CRIM1: variants seen among roughly 807,000 people sequenced by gnomAD.
CRIM1 encodes cysteine rich transmembrane BMP regulator 1.
A neutral mutation model predicts 116.4 loss-of-function variants in CRIM1; 32 were observed. That is an observed-to-expected ratio of 0.27 (90% CI 0.21 to 0.37). The LOEUF is 0.37. Ranked by LOEUF, CRIM1 falls within the 10% of genes least tolerant of loss-of-function variation. The pLI is 1.00. For synonymous variants in CRIM1, 590 were observed against 509.2 expected, an observed-to-expected ratio of 1.16 and a Z score of -2.13; for missense variants, 1,331 against 1,354.8, an observed-to-expected ratio of 0.98 and a Z score of 0.28.
intron 1 of CRIM1, among the ~76,000 whole-genome samples, chr2:36,391,523 C>T (rs534788830): frequency 5.9e-5 from 9 of 152,130 alleles, no homozygotes; most frequent in South Asian, 4.2e-4. Flanking sequence ...TCCTATTTAC[C>T]AGTTACATAT....
At chr2:36,470,517 A>G (rs1438672834) in intron 5 of CRIM1, among the ~76,000 whole-genome samples, 1 of 152,220 alleles carries the variant, frequency 6.6e-6, no homozygotes, top group African/African-American at 2.4e-5. Context: ...GTTAAGAATT[A>G]TGCTAAATCT....
intron 13 of CRIM1, chr2:36,531,761 T>C (rs1666135488): frequency 2.8e-6 from 1 of 363,200 alleles, no homozygotes; most frequent in South Asian, 2.2e-5. Context: ...TGAGGGAAAA[T>C]AGGCAGGAGG....
At chr2:36,481,595 A>T (rs151236276) in intron 7 of CRIM1, among the ~76,000 whole-genome samples, 65 of 152,360 alleles carry the variant, frequency 4.3e-4, no homozygotes, top group Non-Finnish European at 7.4e-4. Context: ...CCGTTGAGGT[A>T]TGGTGGGGTA....
chr2:36,440,451 C>T (rs1043999026), intron 2 of CRIM1, among the ~76,000 whole-genome samples: 3 of 152,154 alleles, frequency 2.0e-5, no homozygotes, highest in African/African-American at 7.2e-5. Context: ...GCCTTATGTT[C>T]GTATAGGTCT....
intron 8 of CRIM1, 137 bp from the exon 9 acceptor site, chr2:36,509,846 A>G: frequency 2.8e-6 from 2 of 710,410 alleles, no homozygotes; most frequent in Non-Finnish European, 4.7e-6. Flanking sequence ...ATGCTTTTTA[A>G]TGATAACCAG....
intron 6 of CRIM1, among the ~76,000 whole-genome samples, chr2:36,478,134 A>AT (rs1679129552): frequency 6.6e-6 from 1 of 152,208 alleles, no homozygotes; most frequent in African/African-American, 2.4e-5. Context: ...TATTTACAAC[A>AT]TAATATTGAA....
At chr2:36,399,818 A>G (rs1672286466) in intron 2 of CRIM1, among the ~76,000 whole-genome samples, 1 of 152,230 alleles carries the variant, frequency 6.6e-6, no homozygotes, top group Admixed American at 6.5e-5. Context: ...ATCATCTGAC[A>G]TTGAGATGGA....
At chr2:36,481,831 C>G (rs928808526) in intron 7 of CRIM1, among the ~76,000 whole-genome samples, 1 of 152,224 alleles carries the variant, frequency 6.6e-6, no homozygotes, top group Non-Finnish European at 1.5e-5. Context: ...CCCAGCCTAA[C>G]TCATGCCCTG....
chr2:36,383,938 G>T (rs1395271646), intron 1 of CRIM1, among the ~76,000 whole-genome samples: 3 of 152,186 alleles, frequency 2.0e-5, no homozygotes, highest in African/African-American at 7.2e-5. Flanking sequence ...CCTGTTCCAG[G>T]TGCAGAAGAT....
chr2:36,437,826 A>G (rs930097510), intron 2 of CRIM1, among the ~76,000 whole-genome samples: 3 of 152,104 alleles, frequency 2.0e-5, no homozygotes, highest in Non-Finnish European at 1.5e-5. Context: ...GGGACTGTCA[A>G]AAAGAACTTA....
Position 36,356,374 on chromosome 2 carries a change from G to A in CRIM1, c.82G>A (p.Ala28Thr), listed in dbSNP as rs1349838485. The A allele has an allele frequency of 1.3e-6, 2 of 1,595,896 alleles. No homozygotes were observed. The change falls in exon 1 of 17, where the codon GCG becomes ACG. Residue 28 changes from alanine (A) to threonine (T), a missense_variant. Ala to Thr is a moderately conservative substitution (Grantham distance 58, BLOSUM62 0). Around this residue, in one of 3 missense-constraint regions of CRIM1, gnomAD observed 690 missense variants for 676.0 expected, o/e 1.02. Coordinates refer to ENST00000280527, the MANE Select transcript of CRIM1 (RefSeq NM_016441.3). This position sits in a 1 kb window ranked among gnomAD's most constrained non-coding sequence, Gnocchi z 4.3. Reference protein sequence around the residue: ...VSLLGLLLLLARSGTRALVCL... With the variant: ...VSLLGLLLLLTRSGTRALVCL... ...GCTGCTGGGGCTGCTGCTGCTGCTG[G>A]CGCGCTCCGGCACCCGGGCGCTGGT...
chr2:36,487,323 A>C (rs939241471), intron 7 of CRIM1, among the ~76,000 whole-genome samples: 1 of 152,180 alleles, frequency 6.6e-6, no homozygotes, highest in Non-Finnish European at 1.5e-5. Context: ...ATTTTTAAAC[A>C]TACTAAAATG....
At chr2:36,403,923 A>G (rs1672598724) in intron 2 of CRIM1, among the ~76,000 whole-genome samples, 1 of 152,148 alleles carries the variant, frequency 6.6e-6, no homozygotes, top group Admixed American at 6.5e-5. Flanking sequence ...AGAATTTATG[A>G]GTCACCCTCT....
intron 7 of CRIM1, among the ~76,000 whole-genome samples, chr2:36,487,784 C>T (rs1472885976): frequency 1.3e-5 from 2 of 152,032 alleles, no homozygotes; most frequent in African/African-American, 2.4e-5. Context: ...GTAAGTATAA[C>T]TCCTGGTGTG....
intron 13 of CRIM1, among the ~76,000 whole-genome samples, chr2:36,536,320 C>A (rs933707018): frequency 6.6e-6 from 1 of 151,264 alleles, no homozygotes; most frequent in Non-Finnish European, 1.5e-5. Flanking sequence ...ACCCTGGGCC[C>A]TGGGGACGAC....
rs1675944438 is a variant in CRIM1 at position 36,442,656 on chromosome 2, C to G, written c.790C>G (p.Gln264Glu). 1 of 1,614,162 alleles carries G rather than the reference C, an allele frequency of 6.2e-7. No individual in the cohort carries two copies. The highest frequency in any genetic ancestry group is 8.5e-7 in the Non-Finnish European group (1 of 1,180,000). Residue 264 changes from glutamine (Q) to glutamate (E), a missense_variant, in exon 4 of 17, where the codon CAG becomes GAG. Gln to Glu is a conservative substitution (Grantham distance 29). Around this residue, in one of 3 missense-constraint regions of CRIM1, gnomAD observed 690 missense variants for 676.0 expected, o/e 1.02. Transcript: ENST00000280527. Reference protein sequence around the residue: ...DCRTVECPPVQQTACPPDSYE... With the variant: ...DCRTVECPPVEQTACPPDSYE... ...CAGGACTGTGGAATGCCCTCCTGTT[C>G]AGCAGACCGCGTGTCCCCCGGACAG...
chr2:36,417,982 G>C (rs1171747729), intron 2 of CRIM1, among the ~76,000 whole-genome samples: 5 of 152,168 alleles, frequency 3.3e-5, no homozygotes, highest in African/African-American at 1.2e-4. Context: ...GGAGGTGATG[G>C]TGGTGGTGGG....
At chr2:36,495,572 C>G (rs902895371) in intron 7 of CRIM1, among the ~76,000 whole-genome samples, 4 of 149,178 alleles carry the variant, frequency 2.7e-5, no homozygotes, top group African/African-American at 7.4e-5. Flanking sequence ...CAGGAACTCT[C>G]TTGGATAAAA....
At chr2:36,522,631 G>A (rs897835597) in intron 13 of CRIM1, among the ~76,000 whole-genome samples, 11 of 151,632 alleles carry the variant, frequency 7.3e-5, no homozygotes, top group African/African-American at 9.7e-5. Flanking sequence ...ATGAAACCCC[G>A]TCTCTACCAA....
Sources: gnomAD v4.1 joint callset for allele counts (sites outside exome capture counted in the v4.1 genomes callset) on GRCh38, gnomAD v4.1.1 for gene constraint, gnomAD v4.1.1 regional missense constraint, Gnocchi (gnomAD v3.1) non-coding constraint, MANE v1.5 for transcripts, NCBI Gene and HGNC (gene_info 2026-07-23, HGNC 2026-07-21) for gene names.